Variants in GABPB2 observed in about 807,000 individuals in gnomAD.
GABPB2 encodes the protein GA-binding protein subunit beta-2.
Under a neutral mutation model 39.1 loss-of-function variants are expected in GABPB2, and 23 were observed. The ratio of observed to expected loss-of-function variants is 0.59; its 90% CI spans 0.42 to 0.83. The LOEUF (loss-of-function observed/expected upper bound fraction) is 0.83. GABPB2 is among the 40% of genes least tolerant of loss of function. The pLI is 0.00. For synonymous variants in GABPB2, 184 were observed against 199.3 expected (o/e 0.92, Z 0.65); for missense variants, 467 against 541.1 (o/e 0.86, Z 1.36).
rs372737730 is a variant in GABPB2, at chr1:151,103,553, C to G, written c.623-9C>G. On this transcript the variant is annotated splice_polypyrimidine_tract_variant and intron_variant, in intron 5 of 8. Transcript: ENST00000368918. ...CATTGGACCTCATTTGTCTTTCTTA[C>G]TGAAATAGGTGACCCCCATGCCTCA... 23 of 1,594,134 alleles carry G rather than the reference C, an allele frequency of 1.4e-5. No homozygotes were observed. The highest frequency in any genetic ancestry group is 1.9e-5 in the Non-Finnish European group (22 of 1,163,812).
At chr1:151,092,865 G>A (rs941792986) in intron 3 of GABPB2, among the ~76,000 whole-genome samples, 11 of 151,826 alleles carry the variant, frequency 7.2e-5, no homozygotes, top group African/African-American at 1.2e-4. Context: ...TCTTCTTTCC[G>A]TTCCTGAAGG....
At chr1:151,099,343 A>T (rs1679344531) in intron 5 of GABPB2, among the ~76,000 whole-genome samples, 1 of 151,746 alleles carries the variant, frequency 6.6e-6, no homozygotes, top group African/African-American at 2.4e-5. Context: ...GACTACAGGC[A>T]TGTGCCACCA....
At chr1:151,113,823 T>C (rs1680650971) in intron 7 of GABPB2, among the ~76,000 whole-genome samples, 1 of 152,130 alleles carries the variant, frequency 6.6e-6, no homozygotes, top group Non-Finnish European at 1.5e-5. Flanking sequence ...CATCCTCTAC[T>C]TTGTCATTTC....
intron 1 of GABPB2, among the ~76,000 whole-genome samples, chr1:151,077,761 A>G (rs587654413): frequency 7.4e-4 from 110 of 149,104 alleles, no homozygotes; most frequent in African/African-American, 2.5e-3. Flanking sequence ...GACCAGCCTG[A>G]CCAACATGGT....
chr1:151,103,795 GA>G (rs1389550945), intron 6 of GABPB2, 120 bp downstream of exon 6: 3 of 662,464 alleles, frequency 4.5e-6, no homozygotes, highest in Non-Finnish European at 7.7e-6. Flanking sequence ...GGCAGCTAAG[GA>G]AAAGGGATGT....
rs1239633285 is a variant in GABPB2 at position 151,118,924 on chromosome 1, A to G, written c.*668A>G. On this transcript the variant is annotated 3_prime_UTR_variant, in exon 9 of 9. Coordinates refer to ENST00000368918, the MANE Select transcript of GABPB2 (RefSeq NM_144618.3). ...CGCAGCCTCCTGAGTAGCTGGGAGG[A>G]CAGGCATATGCCACCACATCACTGA... 6.6e-6 allele frequency: 1 copy of G among 151,716 alleles called. No homozygotes were observed. The highest frequency in any genetic ancestry group is 1.5e-5 in the Non-Finnish European group (1 of 68,106). 9.4% of individuals were successfully genotyped at this position (151,716 alleles called of 1,614,324 possible).
chr1:151,109,327 T>TATATATATACACACAA (rs1558156136), intron 7 of GABPB2, among the ~76,000 whole-genome samples: 1 of 114,718 alleles, frequency 8.7e-6, no homozygotes, highest in Non-Finnish European at 1.7e-5. Flanking sequence ...TACACACAAA[T>TATATATATACACACAA]ATATATATAT....
chr1:151,115,217 G>A (rs1455722752), intron 7 of GABPB2, among the ~76,000 whole-genome samples: 4 of 151,236 alleles, frequency 2.6e-5, no homozygotes, highest in African/African-American at 7.3e-5. Context: ...AAAATTAGCC[G>A]AGTGTGGTGG....
intron 7 of GABPB2, among the ~76,000 whole-genome samples, chr1:151,115,850 C>A (rs1450848467): frequency 6.6e-6 from 1 of 152,166 alleles, no homozygotes; most frequent in African/African-American, 2.4e-5. Context: ...CACTTGTAAT[C>A]CCAGTACTTT....
intron 4 of GABPB2, among the ~76,000 whole-genome samples, chr1:151,095,355 G>A (rs1375626276): frequency 6.6e-6 from 1 of 152,162 alleles, no homozygotes; most frequent in African/African-American, 2.4e-5. Context: ...ATGTAGGGAT[G>A]CTTTACAGCG....
At chr1:151,117,882 CCTGT>C (rs1358895234) in intron 8 of GABPB2, 71 bp from the exon 9 acceptor site, 3 of 1,417,042 alleles carry the variant, frequency 2.1e-6, no homozygotes, top group Non-Finnish European at 2.9e-6. Flanking sequence ...CCGCTCCTGG[CCTGT>C]CTTTTTGTCT....
Position 151,090,587 on chromosome 1 carries a change from AG to A in GABPB2, c.276+18del. ...CTGCTTGTTCGGGTAAAGCAAGAAT[AG>A]GGGCAAGGTTATGTTGTTAAAAAGG... On this transcript the variant is annotated intron_variant, in intron 3 of 8. Coordinates refer to ENST00000368918, the MANE Select transcript of GABPB2 (RefSeq NM_144618.3). The A allele has an allele frequency of 3.7e-6, 6 of 1,612,766 alleles. No individual in the cohort carries two copies. Among genetic ancestry groups the A allele is most frequent in the Non-Finnish European group, 5.1e-6 (6 of 1,179,132 alleles).
intron 3 of GABPB2, among the ~76,000 whole-genome samples, chr1:151,091,197 C>G (rs1678662776): frequency 6.6e-6 from 1 of 151,074 alleles, no homozygotes; most frequent in Non-Finnish European, 1.5e-5. Flanking sequence ...AAGTGATTCT[C>G]CTGCCTCAGC....
intron 7 of GABPB2, among the ~76,000 whole-genome samples, chr1:151,114,470 T>G (rs1680700922): frequency 6.6e-6 from 1 of 152,018 alleles, no homozygotes. Flanking sequence ...GAGGCCGAGG[T>G]GGACGGATCA....
chr1:151,108,375 T>A (rs1680134388), intron 7 of GABPB2, among the ~76,000 whole-genome samples: 4 of 152,172 alleles, frequency 2.6e-5, no homozygotes, highest in Admixed American at 2.0e-4. Flanking sequence ...TTTTACCATG[T>A]TAGCCAGGCT....
At chr1:151,090,642 T>A in intron 3 of GABPB2, 69 bp downstream of exon 3, 2 of 1,441,532 alleles carry the variant, frequency 1.4e-6, no homozygotes, top group Non-Finnish European at 1.9e-6. Flanking sequence ...CTTACTTAAA[T>A]GGGTACTAGG....
intron 1 of GABPB2, among the ~76,000 whole-genome samples, chr1:151,077,053 A>G (rs1361128889): frequency 2.0e-5 from 3 of 152,128 alleles, no homozygotes; most frequent in Non-Finnish European, 1.5e-5. Flanking sequence ...TGGGCCTCCC[A>G]AAGTGCTGGG....
chr1:151,092,396 C>T (rs1678792950), intron 3 of GABPB2, among the ~76,000 whole-genome samples: 1 of 148,694 alleles, frequency 6.7e-6, no homozygotes, highest in Admixed American at 6.6e-5. Flanking sequence ...TGAGCCACCG[C>T]ACCCAGCCAT....
At chr1:151,087,380 C>T (rs112069201) in intron 1 of GABPB2, among the ~76,000 whole-genome samples, 3,210 of 152,088 alleles carry the variant, frequency 0.021, 101 homozygotes, top group African/African-American at 0.073. Context: ...GGCGCAGTGG[C>T]TCACGCCTGT....
Sources: gnomAD v4.1 joint callset for allele counts (sites outside exome capture counted in the v4.1 genomes callset) on GRCh38, gnomAD v4.1.1 for gene constraint, MANE v1.5 for transcripts, NCBI Gene and HGNC (gene_info 2026-07-23, HGNC 2026-07-21) for gene names.